The following RSU1 variants were observed in gnomAD, a reference collection of about 807,000 sequenced individuals.
RSU1 encodes the protein rsu-1.
In RSU1, 26 loss-of-function variants were observed where a neutral mutation model predicts 31.1. That is an observed-to-expected ratio of 0.84 (90% CI 0.61 to 1.16). The LOEUF (loss-of-function observed/expected upper bound fraction) is 1.16. RSU1 is among the 50% of genes most tolerant of loss of function. RSU1 has a pLI of 0.00. For missense variants in RSU1, 320 were observed against 339.1 expected (o/e 0.94, Z 0.44); for synonymous variants, 164 against 136.3 (o/e 1.20, Z -1.41).
At chr10:16,812,728 G>C (rs890864184) in intron 2 of RSU1, among the ~76,000 whole-genome samples, 1 of 151,662 alleles carries the variant, frequency 6.6e-6, no homozygotes, top group Non-Finnish European at 1.5e-5. Flanking sequence ...AAATGATAAA[G>C]GCTTGACCAC....
intron 8 of RSU1, among the ~76,000 whole-genome samples, chr10:16,672,724 T>C (rs1204261581): frequency 6.6e-6 from 1 of 151,654 alleles, no homozygotes. Context: ...ATGGGGGAAA[T>C]GAAGGGAGAG....
At chr10:16,617,034 GA>G (rs1273122851) in intron 8 of RSU1, among the ~76,000 whole-genome samples, 2 of 152,196 alleles carry the variant, frequency 1.3e-5, no homozygotes, top group South Asian at 2.1e-4. Flanking sequence ...AGGAAGAGAG[GA>G]AGTCAAATTG....
At position 16,640,456 on chromosome 10, in the gene RSU1, T is replaced by A. The variant is rs531681821; in HGVS notation, c.732-46960A>T. ...ATGCACAGAGTCTAAAGCAATCTTT[T>A]CAAAAAGTCAATCTGATCACACCCC... On this transcript the variant is annotated intron_variant, in intron 8 of 8. Transcript: ENST00000345264. Among the ~76,000 whole-genome samples the A allele has an allele frequency of 5.3e-5, 8 of 152,276 alleles. No homozygotes were observed. In the South Asian group the frequency reaches 1.7e-3, roughly 32 times the overall value.
intron 2 of RSU1, among the ~76,000 whole-genome samples, chr10:16,800,643 T>C (rs758170948): frequency 2.6e-5 from 4 of 152,312 alleles, no homozygotes; most frequent in Admixed American, 6.5e-5. Flanking sequence ...AGTTTACAGA[T>C]AACTGAAATG....
At chr10:16,764,317 C>A (rs3780980) in intron 4 of RSU1, 73 bp downstream of exon 4, 20,235 of 1,410,918 alleles carry the variant, frequency 0.014, 922 homozygotes, top group East Asian at 0.13. Context: ...AAAAGGAATC[C>A]CTCCCCTGGC....
At chr10:16,760,703 G>C (rs1837194887) in intron 4 of RSU1, among the ~76,000 whole-genome samples, 1 of 151,884 alleles carries the variant, frequency 6.6e-6, no homozygotes, top group Admixed American at 6.6e-5. Context: ...ATCAGTTACT[G>C]TCTGTCAACG....
At chr10:16,710,985 A>G (rs541492108) in intron 7 of RSU1, among the ~76,000 whole-genome samples, 6 of 152,202 alleles carry the variant, frequency 3.9e-5, no homozygotes, top group Non-Finnish European at 8.8e-5. Context: ...GTTCCTGCAA[A>G]GGACATAAAG....
At chr10:16,640,694 C>T (rs113224576) in intron 8 of RSU1, among the ~76,000 whole-genome samples, 1 of 152,368 alleles carries the variant, frequency 6.6e-6, no homozygotes, top group Non-Finnish European at 1.5e-5. Flanking sequence ...CAGGCTCACA[C>T]CCGGATGGTA....
intron 8 of RSU1, among the ~76,000 whole-genome samples, chr10:16,650,975 A>G (rs1834675761): frequency 6.6e-6 from 1 of 152,174 alleles, no homozygotes; most frequent in Non-Finnish European, 1.5e-5. Context: ...ACGGATGCAC[A>G]CAATTTACGA....
intron 8 of RSU1, among the ~76,000 whole-genome samples, chr10:16,620,315 TTC>T (rs1834047051): frequency 6.6e-6 from 1 of 152,138 alleles, no homozygotes; most frequent in Non-Finnish European, 1.5e-5. Context: ...GTGAAGTAAT[TTC>T]TCACGGAGTT....
chr10:16,761,552 G>A (rs1481765632), intron 4 of RSU1, among the ~76,000 whole-genome samples: 1 of 152,106 alleles, frequency 6.6e-6, no homozygotes, highest in Admixed American at 6.5e-5. Context: ...GCAGTGCTGT[G>A]AGCGTTTAAA....
Position 16,655,940 on chromosome 10 carries a change from C to G in RSU1, c.731+39083G>C, listed in dbSNP as rs117464981. On this transcript the variant is annotated intron_variant, in intron 8 of 8. Coordinates refer to ENST00000345264, the MANE Select transcript of RSU1 (RefSeq NM_012425.4). ...TTCTGGAGCTGAGATATCTTTGAGG[C>G]CTGCCTGTAATTATATTGAATACTA... 2.2e-3 allele frequency among the ~76,000 whole-genome samples: 328 copies of G among 152,048 alleles called. 7 individuals carry two copies. The East Asian group carries it at 0.033, about 15-fold the overall frequency.
chr10:16,594,038 T>C (rs1460483189), intron 8 of RSU1, among the ~76,000 whole-genome samples: 1 of 152,222 alleles, frequency 6.6e-6, no homozygotes, highest in Non-Finnish European at 1.5e-5. Flanking sequence ...ATAATTACGG[T>C]GGATGGCATT....
chr10:16,707,794 GGTCAATGCT>G (rs1299924929), intron 7 of RSU1, among the ~76,000 whole-genome samples: 1 of 151,962 alleles, frequency 6.6e-6, no homozygotes, highest in African/African-American at 2.4e-5. Context: ...CCCTTCTCCA[GGTCAATGCT>G]GTGAAAAGTT....
intron 8 of RSU1, among the ~76,000 whole-genome samples, chr10:16,613,891 G>T (rs1833933793): frequency 6.6e-6 from 1 of 151,746 alleles, no homozygotes; most frequent in African/African-American, 2.4e-5. Context: ...TGGATATGAA[G>T]ATCACATGTG....
rs1837984048 is a variant in RSU1, at chr10:16,794,393, C to CT, written c.110-12310dup. The stretch of plus-strand genomic sequence containing the variant: ...AAAATTTTTTTAGGGTTAATAAAAC[C>CT]TTCAAGGACCAGAGTCCATTTTGTT... On this transcript the variant is annotated intron_variant, in intron 2 of 8. Transcript: ENST00000345264. 6.6e-5 allele frequency among the ~76,000 whole-genome samples: 10 copies of CT among 152,310 alleles called. No individual in the cohort carries two copies. The South Asian group carries it at 2.1e-3, about 32-fold the overall frequency.
intron 7 of RSU1, among the ~76,000 whole-genome samples, chr10:16,741,390 G>T (rs1428041920): frequency 6.6e-6 from 1 of 152,164 alleles, no homozygotes; most frequent in African/African-American, 2.4e-5. Context: ...ATTGGAGTGG[G>T]AAAGAAAAGG....
chr10:16,714,057 G>C (rs1432428248), intron 7 of RSU1, among the ~76,000 whole-genome samples: 1 of 152,146 alleles, frequency 6.6e-6, no homozygotes, highest in Non-Finnish European at 1.5e-5. Flanking sequence ...CTGGCTGTTG[G>C]GCTGAATATG....
intron 8 of RSU1, among the ~76,000 whole-genome samples, chr10:16,673,800 T>A (rs143616680): frequency 1.3e-5 from 2 of 152,296 alleles, no homozygotes; most frequent in African/African-American, 4.8e-5. Context: ...TCTGCCTAGG[T>A]CCTTAGGTTC....
Sources: gnomAD v4.1 joint callset for allele counts (sites outside exome capture counted in the v4.1 genomes callset) on GRCh38, gnomAD v4.1.1 for gene constraint, MANE v1.5 for transcripts, NCBI Gene and HGNC (gene_info 2026-07-23, HGNC 2026-07-21) for gene names.